Variants in ROBO2 observed in about 807,000 individuals in gnomAD.
ROBO2 encodes the protein roundabout guidance receptor 2.
ROBO2 carries 53 observed loss-of-function variants against 160.8 expected under a neutral mutation model. That is an observed-to-expected ratio of 0.33 (90% confidence interval 0.26 to 0.41). The LOEUF (loss-of-function observed/expected upper bound fraction) is 0.41, where lower values mean the gene tolerates loss of function less well. Among genes scored for constraint, ROBO2 ranks in the 10% least tolerant of loss-of-function variants. ROBO2 has a pLI of 1.00. For missense variants in ROBO2, 1,577 were observed against 1,722.4 expected, an observed-to-expected ratio of 0.92 and a Z score of 1.49; for synonymous variants, 664 against 611.7, an observed-to-expected ratio of 1.09 and a Z score of -1.26.
chr3:75,970,031 G>T (rs978006562), intron 2 of ROBO2, among the ~76,000 whole-genome samples: 17 of 151,436 alleles, frequency 1.1e-4, no homozygotes, highest in Non-Finnish European at 1.8e-4. Context: ...TTACACGTAG[G>T]CCTTTAATCC....
At chr3:77,282,762 C>T (rs1004806749) in intron 2 of ROBO2, among the ~76,000 whole-genome samples, 17 of 151,836 alleles carry the variant, frequency 1.1e-4, no homozygotes, top group East Asian at 5.8e-4. Flanking sequence ...TCCTTGTTAG[C>T]CTCAAAGCAT....
chr3:76,750,052 A>T (rs2093957289), intron 2 of ROBO2, among the ~76,000 whole-genome samples: 1 of 152,106 alleles, frequency 6.6e-6, no homozygotes, highest in Admixed American at 6.6e-5. Flanking sequence ...TCCGCAATAA[A>T]ATACTGGCAA....
At chr3:77,468,645 G>C (rs1184552087) in intron 2 of ROBO2, among the ~76,000 whole-genome samples, 2 of 152,156 alleles carry the variant, frequency 1.3e-5, no homozygotes, top group Non-Finnish European at 2.9e-5. Flanking sequence ...CATTCCTCCT[G>C]TGTGAATTAT....
At chr3:76,680,846 G>A (rs974679356) in intron 2 of ROBO2, among the ~76,000 whole-genome samples, 3 of 151,856 alleles carry the variant, frequency 2.0e-5, no homozygotes, top group Non-Finnish European at 4.4e-5. Flanking sequence ...GCGCAATCTC[G>A]CTCACTACAG....
intron 2 of ROBO2, among the ~76,000 whole-genome samples, chr3:76,123,608 A>G (rs900879245): frequency 7.9e-5 from 12 of 152,140 alleles, no homozygotes; most frequent in African/African-American, 2.9e-4. Flanking sequence ...TCTGGAACCT[A>G]ACTATGTTTT....
chr3:76,855,823 C>T (rs574813686), intron 2 of ROBO2, among the ~76,000 whole-genome samples: 24 of 152,004 alleles, frequency 1.6e-4, no homozygotes, highest in African/African-American at 5.3e-4. Flanking sequence ...TTGTAATTGT[C>T]GTATCAAACA....
chr3:77,623,804 CT>C (rs1247846048), intron 23 of ROBO2, among the ~76,000 whole-genome samples: 1 of 152,170 alleles, frequency 6.6e-6, no homozygotes, highest in African/African-American at 2.4e-5. Context: ...TGATACTGAA[CT>C]CTTTTCCATT....
At chr3:77,052,789 T>C (rs2149703978) in intron 1 of ROBO2, among the ~76,000 whole-genome samples, 1 of 152,306 alleles carries the variant, frequency 6.6e-6, no homozygotes, top group African/African-American at 2.4e-5. Context: ...CAGAATGTTA[T>C]CTAGGCAGAT....
intron 2 of ROBO2, among the ~76,000 whole-genome samples, chr3:77,284,621 T>C (rs2060460933): frequency 6.6e-6 from 1 of 152,126 alleles, no homozygotes; most frequent in African/African-American, 2.4e-5. Context: ...AGCATGGTTT[T>C]GTATTATGAT....
intron 5 of ROBO2, among the ~76,000 whole-genome samples, chr3:77,515,797 C>T (rs866413312): frequency 2.6e-5 from 4 of 151,612 alleles, no homozygotes; most frequent in African/African-American, 9.7e-5. Context: ...GATTCCAATA[C>T]GGTCTAAACC....
intron 2 of ROBO2, among the ~76,000 whole-genome samples, chr3:76,600,924 A>T (rs1187418780): frequency 1.3e-5 from 2 of 152,214 alleles, no homozygotes; most frequent in African/African-American, 4.8e-5. Context: ...TAAAATCAAA[A>T]GCAAGTTAGT....
intron 2 of ROBO2, among the ~76,000 whole-genome samples, chr3:77,123,016 G>A (rs569359850): frequency 2.0e-5 from 3 of 152,226 alleles, no homozygotes; most frequent in African/African-American, 7.2e-5. Flanking sequence ...TGTTATTAAA[G>A]GAGAAGAATG....
At chr3:76,087,765 G>C (rs1250630608) in intron 2 of ROBO2, among the ~76,000 whole-genome samples, 1 of 151,984 alleles carries the variant, frequency 6.6e-6, no homozygotes, top group African/African-American at 2.4e-5. Flanking sequence ...ACAGGAGTGA[G>C]TAATTAGAGT....
At chr3:77,588,651 C>T (rs1175516571) in intron 16 of ROBO2, 100 bp from the exon 18 acceptor site, 9 of 1,112,402 alleles carry the variant, frequency 8.1e-6, no homozygotes, top group Non-Finnish European at 1.2e-5. Flanking sequence ...CAAGCATTTC[C>T]TGCCTTCAAA....
Position 76,894,012 on chromosome 3 carries a change from A to T in ROBO2, c.110-204002A>T, listed in dbSNP as rs150692412. On this transcript the variant is annotated intron_variant, in intron 2 of 26. Coordinates refer to the ROBO2 transcript ENST00000487694. The stretch of plus-strand genomic sequence containing the variant: ...TGATAGACGATTTTGCCTAACTGAT[A>T]TGGAAAAGTTTGCTCTTTCAACAGT... 3.0e-3 allele frequency among the ~76,000 whole-genome samples: 453 copies of T among 152,246 alleles called. 2 individuals carry two copies. Among genetic ancestry groups the T allele is most frequent in the South Asian group, 9.5e-3 (46 of 4,828 alleles).
intron 2 of ROBO2, among the ~76,000 whole-genome samples, chr3:75,967,385 T>C (rs1292502118): frequency 6.6e-6 from 1 of 151,642 alleles, no homozygotes; most frequent in African/African-American, 2.4e-5. Context: ...CTACTAAAAG[T>C]GTATAAGTCA....
intron 2 of ROBO2, among the ~76,000 whole-genome samples, chr3:77,217,884 C>T (rs1378734868): frequency 2.0e-5 from 3 of 151,928 alleles, no homozygotes; most frequent in Admixed American, 6.6e-5. Context: ...ACAAAAGAAC[C>T]GAAAAAAGTA....
intron 2 of ROBO2, among the ~76,000 whole-genome samples, chr3:76,738,190 G>A (rs781096907): frequency 6.6e-5 from 10 of 152,072 alleles, no homozygotes; most frequent in East Asian, 1.9e-4. Flanking sequence ...TATTTATTGC[G>A]TGCCTACTCT....
intron 2 of ROBO2, among the ~76,000 whole-genome samples, chr3:76,214,656 G>A (rs1404463020): frequency 6.6e-6 from 1 of 152,210 alleles, no homozygotes; most frequent in African/African-American, 2.4e-5. Context: ...GGTAAACAAA[G>A]CAGCCAGGAA....
Sources: allele counts gnomAD v4.1 joint callset (sites outside exome capture counted in the v4.1 genomes callset), GRCh38; gene constraint gnomAD v4.1.1; transcripts MANE v1.5; gene names NCBI Gene and HGNC (gene_info 2026-07-23, HGNC 2026-07-21).